TENM2: variants seen among roughly 807,000 people sequenced by gnomAD.
TENM2 encodes teneurin-2.
TENM2 carries 52 observed loss-of-function variants against 245.2 expected under a neutral mutation model. The observed-to-expected ratio is 0.21, with a 90% CI of 0.17 to 0.27. The LOEUF (loss-of-function observed/expected upper bound fraction) is 0.27, where lower values mean the gene tolerates loss of function less well. Among genes scored for constraint, TENM2 ranks in the 10% least tolerant of loss-of-function variants. The pLI, the probability that TENM2 is intolerant of heterozygous loss-of-function variation, is 1.00. For synonymous variants in TENM2, 1,363 were observed against 1,438.9 expected, an observed-to-expected ratio of 0.95 and a Z score of 1.19; for missense variants, 3,046 against 3,666.8, an observed-to-expected ratio of 0.83 and a Z score of 4.37.
chr5:167,808,226 T>A (rs577870482), intron 2 of TENM2, among the ~76,000 whole-genome samples: 2 of 152,314 alleles, frequency 1.3e-5, no homozygotes, highest in Non-Finnish European at 2.9e-5. Context: ...GTGAAACAAC[T>A]GATAATTTAT....
At chr5:167,844,769 T>C (rs1341180492) in intron 2 of TENM2, among the ~76,000 whole-genome samples, 3 of 151,998 alleles carry the variant, frequency 2.0e-5, no homozygotes, top group Non-Finnish European at 4.4e-5. Flanking sequence ...CTGGATCTAA[T>C]TGCCTTTATC....
At chr5:167,747,483 A>G (rs900759761) in intron 2 of TENM2, among the ~76,000 whole-genome samples, 1 of 152,186 alleles carries the variant, frequency 6.6e-6, no homozygotes, top group Non-Finnish European at 1.5e-5. Flanking sequence ...GAATCTATTT[A>G]TGTTCCCCTA....
chr5:167,538,133 G>A (rs1317296393), intron 2 of TENM2, among the ~76,000 whole-genome samples: 1 of 152,198 alleles, frequency 6.6e-6, no homozygotes, highest in East Asian at 1.9e-4. Context: ...GTGCCAGAGG[G>A]TTTTTATGAA....
intron 2 of TENM2, among the ~76,000 whole-genome samples, chr5:167,652,924 G>A (rs1754575154): frequency 6.6e-6 from 1 of 152,172 alleles, no homozygotes; most frequent in Non-Finnish European, 1.5e-5. Context: ...CATTAGCTAT[G>A]TGATAAAGTC....
intron 1 of TENM2, among the ~76,000 whole-genome samples, chr5:167,330,663 A>G (rs981076964): frequency 3.9e-5 from 6 of 152,116 alleles, no homozygotes; most frequent in Admixed American, 1.3e-4. Flanking sequence ...ATGGCTTTGA[A>G]TTCCTTCATG....
chr5:167,234,938 C>T, the TENM2 span, among the ~76,000 whole-genome samples: 1 of 152,118 alleles, frequency 6.6e-6, no homozygotes, highest in Non-Finnish European at 1.5e-5. Flanking sequence ...GCTTTGCCAC[C>T]CCTATTTCTT....
At chr5:167,685,129 A>G (rs961206749) in intron 2 of TENM2, among the ~76,000 whole-genome samples, 10 of 152,220 alleles carry the variant, frequency 6.6e-5, no homozygotes, top group Non-Finnish European at 5.9e-5. Flanking sequence ...TCAGAAGGCA[A>G]CTTAAAAAGA....
intron 25 of TENM2, among the ~76,000 whole-genome samples, chr5:168,236,230 C>T (rs1765416392): frequency 6.6e-6 from 1 of 152,162 alleles, no homozygotes; most frequent in African/African-American, 2.4e-5. Flanking sequence ...ATACAACATA[C>T]CTGACTCCTG....
chr5:168,227,981 G>A, exon 25 of TENM2: 5 of 1,613,702 alleles, frequency 3.1e-6, no homozygotes, highest in East Asian at 2.2e-5. Context: ...CTTCCACAGC[G>A]AGCCCCATGT....
chr5:167,550,918 G>A (rs559272480), intron 2 of TENM2, among the ~76,000 whole-genome samples: 86 of 152,054 alleles, frequency 5.7e-4, no homozygotes, highest in South Asian at 4.1e-4. Context: ...CAGTAGAGAC[G>A]GGGTATCACC....
chr5:167,935,990 C>A (rs996017854), intron 3 of TENM2, among the ~76,000 whole-genome samples: 1 of 151,980 alleles, frequency 6.6e-6, no homozygotes, highest in African/African-American at 2.4e-5. Flanking sequence ...AATTTTTAAA[C>A]TTTTTATTTC....
At chr5:167,096,482 T>A in the TENM2 span, among the ~76,000 whole-genome samples, 1 of 152,208 alleles carries the variant, frequency 6.6e-6, no homozygotes, top group African/African-American at 2.4e-5. Flanking sequence ...ATCTGATCAC[T>A]CTCTTTCCAG....
At chr5:167,834,941 C>G (rs566651348) in intron 2 of TENM2, among the ~76,000 whole-genome samples, 1 of 152,178 alleles carries the variant, frequency 6.6e-6, no homozygotes, top group African/African-American at 2.4e-5. Context: ...TGAGCCACTG[C>G]GCCCGGCCTT....
chr5:167,988,084 G>GT (rs957215978), intron 4 of TENM2, among the ~76,000 whole-genome samples: 3 of 152,162 alleles, frequency 2.0e-5, no homozygotes. Context: ...CATGCAGGTT[G>GT]TTTTTTCTGT....
At chr5:166,984,444 TC>T in the TENM2 span, among the ~76,000 whole-genome samples, 2 of 152,032 alleles carry the variant, frequency 1.3e-5, no homozygotes, top group African/African-American at 2.4e-5. Flanking sequence ...TATTTTGACA[TC>T]TCTCCTACTT....
the TENM2 span, among the ~76,000 whole-genome samples, chr5:167,220,630 T>C: frequency 4.9e-4 from 75 of 152,274 alleles, 1 homozygote; most frequent in Non-Finnish European, 8.4e-4. Context: ...AGCGCAATCA[T>C]AAGGGCCGGA....
At chr5:167,547,726 T>A (rs543968553) in intron 2 of TENM2, among the ~76,000 whole-genome samples, 1 of 152,190 alleles carries the variant, frequency 6.6e-6, no homozygotes, top group Non-Finnish European at 1.5e-5. Flanking sequence ...TATAGCCTCA[T>A]AATAGTCCCT....
the TENM2 span, among the ~76,000 whole-genome samples, chr5:167,117,563 T>A: frequency 6.6e-6 from 1 of 151,956 alleles, no homozygotes; most frequent in Non-Finnish European, 1.5e-5. Context: ...GTGAACATGA[T>A]AAAAGCCAAA....
At chr5:167,895,422 G>T (rs1171507394) in intron 3 of TENM2, among the ~76,000 whole-genome samples, 10 of 152,236 alleles carry the variant, frequency 6.6e-5, no homozygotes, top group Non-Finnish European at 1.5e-4. Context: ...ATTAATGAAG[G>T]AAATGAGCCT....
Sources: gnomAD v4.1 joint callset for allele counts (sites outside exome capture counted in the v4.1 genomes callset) on GRCh38, gnomAD v4.1.1 for gene constraint, MANE v1.5 for transcripts, NCBI Gene and HGNC (gene_info 2026-07-23, HGNC 2026-07-21) for gene names.